Variants in HCFC1 observed in about 807,000 individuals in gnomAD.
HCFC1 encodes host cell factor C1.
In HCFC1, 7 loss-of-function variants were observed where a neutral mutation model predicts 105.5. That is an observed-to-expected ratio of 0.07 (90% CI 0.04 to 0.12). The LOEUF (loss-of-function observed/expected upper bound fraction) is 0.12. Among genes scored for constraint, HCFC1 ranks in the 10% least tolerant of loss-of-function variants. The pLI is 1.00. For synonymous variants in HCFC1, 918 were observed against 828.1 expected (o/e 1.11, Z -1.86); for missense variants, 1,065 against 1,823.6 (o/e 0.58, Z 7.58).
chrX:153,961,276 G>A (rs1425389827), intron 6 of HCFC1, among the ~76,000 whole-genome samples: 3 of 112,606 alleles, frequency 2.7e-5, no homozygotes, highest in African/African-American at 6.5e-5. Flanking sequence ...AAGCAGAACC[G>A]GAGAACCGGG....
chrX:153,950,119 C>T (rs1405853450), intron 24 of HCFC1, 124 bp downstream of exon 24: 15 of 740,133 alleles, frequency 2.0e-5, no homozygotes, highest in South Asian at 8.7e-5. Flanking sequence ...GGGCTGTGTG[C>T]GCGCCAAAGG....
intron 19 of HCFC1, 78 bp from the exon 20 acceptor site, chrX:153,952,236 G>C: frequency 1.9e-6 from 2 of 1,078,742 alleles, no homozygotes; most frequent in Non-Finnish European, 2.4e-6. Context: ...GGCCCCCAAA[G>C]CCTGTCCTAG....
At position 153,948,842 on chromosome X, in the gene HCFC1, G is replaced by A. The variant is rs1331118870; in HGVS notation, c.*505C>T. The A allele has an allele frequency of 8.8e-6, 1 of 113,134 alleles. No homozygotes were observed. Among genetic ancestry groups the A allele is most frequent in the East Asian group, 2.8e-4 (1 of 3,580 alleles). 9.3% of individuals were successfully genotyped at this position (113,134 alleles called of 1,213,427 possible). ...GCTTCCTGTGGGGTCACTGAGCAGG[G>A]TGGGCCGGGGGAGCCTGAGGAAGGG... On this transcript the variant is annotated 3_prime_UTR_variant, in exon 26 of 26. Coordinates refer to ENST00000310441, the MANE Select transcript of HCFC1 (RefSeq NM_005334.3).
intron 8 of HCFC1, 35 bp from the exon 9 acceptor site, chrX:153,959,526 C>G: frequency 8.3e-7 from 1 of 1,203,801 alleles, no homozygotes; most frequent in African/African-American, 1.7e-5. Context: ...CAGCCATCAC[C>G]TTCTGCACGA....
In HCFC1 at chrX:153,957,879, T is replaced by C. The variant is rs782670324; in HGVS notation, c.2036A>G (p.Asn679Ser). ...SVPGGSALIS[N>S]LGKVMSVVQT... ...GACCACCGACATCACTTTGCCCAGA[T>C]TGGAAATCTAAAAAGGAAGGGATGG... Residue 679 changes from asparagine (N) to serine (S), a missense_variant, in exon 12 of 26, where the codon AAT becomes AGT. Physicochemically the swap from Asn to Ser is conservative, Grantham distance 46. Transcript: ENST00000310441. The C allele has an allele frequency of 1.1e-5, 13 of 1,203,122 alleles. No homozygotes were observed. Among genetic ancestry groups the C allele is most frequent in the Admixed American group, 4.4e-5 (2 of 45,776 alleles).
At position 153,953,540 on chromosome X, in the gene HCFC1, C is replaced by T. The variant is rs1011301738; in HGVS notation, c.4497+67G>A. 6.4e-5 allele frequency: 69 copies of T among 1,078,417 alleles called. No individual in the cohort carries two copies. The Admixed American group carries it at 1.3e-3, about 20-fold the overall frequency. 88.9% of individuals were successfully genotyped at this position (1,078,417 alleles called of 1,213,427 possible). ...CTGGTACAAGAGCGACATCTGGCGTCTGAGTGTGGAACTGCACGGGCGTAG... is the reference window on the plus strand; with the variant it reads ...CTGGTACAAGAGCGACATCTGGCGTTTGAGTGTGGAACTGCACGGGCGTAG... On this transcript the variant is annotated intron_variant, in intron 18 of 25. Transcript: ENST00000310441.
chrX:153,960,141 G>A lies in HCFC1; in HGVS notation c.1105C>T (p.Arg369Ter). The A allele has an allele frequency of 8.3e-7, 1 of 1,208,667 alleles. No individual in the cohort carries two copies. The highest frequency in any genetic ancestry group is 1.1e-6 in the Non-Finnish European group (1 of 893,248). ...GTGTTGGCGCGTACCAGTTGTACTCGGGCTGGGGGTGGTGGCTTTTCTGTG... is the reference window on the plus strand; with the variant it reads ...GTGTTGGCGCGTACCAGTTGTACTCAGGCTGGGGGTGGTGGCTTTTCTGTG... The part of the protein sequence containing the change: ...LETEKPPPPA[R>*]VQLVRANTNS... The change falls in exon 8 of 26, where the codon CGA becomes TGA. Residue 369 changes from arginine (R) to a stop codon, truncating the protein, a stop_gained. Coordinates refer to ENST00000310441, the MANE Select transcript of HCFC1 (RefSeq NM_005334.3). LOFTEE classifies it high-confidence loss of function.
Position 153,970,463 on chromosome X carries a change from C to G in HCFC1, c.193+185G>C, listed in dbSNP as rs1242163792. 0.031 allele frequency among the ~76,000 whole-genome samples: 629 copies of G among 20,253 alleles called. 11 individuals carry two copies. Among genetic ancestry groups the G allele is most frequent in the African/African-American group, 0.076 (426 of 5,596 alleles). The allele number at this position is 20,253 out of a possible 115,157, so 17.6% of individuals were successfully genotyped here. The stretch of plus-strand genomic sequence containing the variant: ...GAGGAGGGGAGAAGGGGGAGGGGGA[C>G]GGGGAGAGGGGAGAAGGACGGGTAA... On this transcript the variant is annotated intron_variant, in intron 1 of 25. Coordinates refer to ENST00000310441, the MANE Select transcript of HCFC1 (RefSeq NM_005334.3).
In HCFC1 at chrX:153,955,517, GT is replaced by G; in HGVS notation, c.2881del (p.Thr961LeufsTer2). The G allele has an allele frequency of 8.5e-7, 1 of 1,174,034 alleles. No homozygotes were observed. Among genetic ancestry groups the G allele is most frequent in the Non-Finnish European group, 1.1e-6 (1 of 875,745 alleles). ...CACCCCACTAGGTGCCGTGATCAGA[GT>G]TACCTGGGTGGGCTGGGACACGGGC... ...MQPVSQPTQV[T>X]LITAPSGVEA... is the part of the protein sequence containing the mutation. On this transcript the variant is annotated frameshift_variant, in exon 17 of 26. Coordinates refer to ENST00000310441, the MANE Select transcript of HCFC1 (RefSeq NM_005334.3). LOFTEE classifies it high-confidence loss of function.
intron 14 of HCFC1, 27 bp downstream of exon 14, chrX:153,956,891 G>A: frequency 8.3e-7 from 1 of 1,209,612 alleles, no homozygotes; most frequent in Non-Finnish European, 1.1e-6. Context: ...AGGACACTGG[G>A]CTGAGAGACG....
intron 15 of HCFC1, 87 bp from the exon 16 acceptor site, chrX:153,956,498 G>T: frequency 9.0e-7 from 1 of 1,116,245 alleles, no homozygotes; most frequent in Non-Finnish European, 1.2e-6. Context: ...GCACTCTGGA[G>T]CTGCTTGCAT....
intron 2 of HCFC1, 40 bp downstream of exon 2, chrX:153,964,538 G>A: frequency 8.6e-7 from 1 of 1,164,862 alleles, no homozygotes; most frequent in Non-Finnish European, 1.2e-6. Context: ...CAGGTCACAT[G>A]GGGCCAAGGA....
chrX:153,952,762 G>A lies in HCFC1; in HGVS notation c.4694C>T (p.Ala1565Val), dbSNP rs1557112969. ...CTGGACCACCACAGTGGCCACCACCGCAGAGCCGGCAGACTCCTGGCCCGA... is the reference window on the plus strand; with the variant it reads ...CTGGACCACCACAGTGGCCACCACCACAGAGCCGGCAGACTCCTGGCCCGA... Reference protein sequence around the residue: ...PSSGQESAGSAVVATVVVQPP... With the variant: ...PSSGQESAGSVVVATVVVQPP... The change falls in exon 19 of 26, where the codon GCG becomes GTG. Residue 1565 changes from alanine to valine, a missense_variant. Transcript: ENST00000310441. The A allele has an allele frequency of 8.3e-7, 1 of 1,207,908 alleles. No individual in the cohort carries two copies. The highest frequency in any genetic ancestry group is 1.1e-6 in the Non-Finnish European group (1 of 893,336).
rs1367536201 is a variant in HCFC1, at chrX:153,970,991, A to C, written c.-151T>G. 1 of 432,552 alleles carries C rather than the reference A, an allele frequency of 2.3e-6. No homozygotes were observed. Among genetic ancestry groups the C allele is most frequent in the African/African-American group, 2.6e-5 (1 of 38,989 alleles). 35.6% of individuals were successfully genotyped at this position (432,552 alleles called of 1,213,427 possible). On this transcript the variant is annotated 5_prime_UTR_variant, in exon 1 of 26. Coordinates refer to ENST00000310441, the MANE Select transcript of HCFC1 (RefSeq NM_005334.3). ...ACGACTCCATGGAGGCCGCCATCTTAACTGCCCTCCTTCCCTTTGGCTCTT... is the reference window on the plus strand; with the variant it reads ...ACGACTCCATGGAGGCCGCCATCTTCACTGCCCTCCTTCCCTTTGGCTCTT...
chrX:153,957,513 C>T lies in HCFC1; in HGVS notation c.2154G>A (p.Ala718=), dbSNP rs201614319. 35 of 1,203,299 alleles carry T rather than the reference C, an allele frequency of 2.9e-5. No individual in the cohort carries two copies. The highest frequency in any genetic ancestry group is 1.6e-4 in the African/African-American group (9 of 57,267). The change falls in exon 13 of 26, where the codon GCG becomes GCA. Residue 718 remains alanine, a synonymous_variant. Coordinates refer to ENST00000310441, the MANE Select transcript of HCFC1 (RefSeq NM_005334.3). ...AGGTCACCAGCTTCAGGATTGTTCC[C>T]GCTGGCAGGGGCCCTTTGGTCTGAA... ...QIIQTKGPLP[A]GTILKLVTSA...
chrX:153,961,815 C>A (rs1557117000), intron 5 of HCFC1, among the ~76,000 whole-genome samples, 167 bp from the exon 6 acceptor site: 1 of 111,950 alleles, frequency 8.9e-6, no homozygotes, highest in African/African-American at 3.2e-5. Context: ...GGTGGCTCAG[C>A]CCTCAGGAGA....
Position 153,963,716 on chromosome X carries a change from G to A in HCFC1, c.504-283C>T, listed in dbSNP as rs181969003. Among the ~76,000 whole-genome samples, 8 of 112,907 alleles carry A rather than the reference G, an allele frequency of 7.1e-5. 1 individual carries two copies. Among genetic ancestry groups the A allele is most frequent in the African/African-American group, 2.2e-4 (7 of 31,142 alleles). ...GCACACAAAGCTGGGTATTATATGAGGGCTCCGCAGAGCAAGAGGGGGCGC... is the reference window on the plus strand; with the variant it reads ...GCACACAAAGCTGGGTATTATATGAAGGCTCCGCAGAGCAAGAGGGGGCGC... On this transcript the variant is annotated intron_variant, in intron 3 of 25. Coordinates refer to ENST00000310441, the MANE Select transcript of HCFC1 (RefSeq NM_005334.3).
intron 12 of HCFC1, 106 bp downstream of exon 12, chrX:153,957,676 A>G: frequency 1.3e-6 from 1 of 769,598 alleles, no homozygotes; most frequent in Non-Finnish European, 1.9e-6. Flanking sequence ...GAACTTGCTG[A>G]GCCATGTGTG....
At chrX:153,965,622 CTG>C (rs2065467277) in intron 1 of HCFC1, among the ~76,000 whole-genome samples, 1 of 112,393 alleles carries the variant, frequency 8.9e-6, no homozygotes, top group Non-Finnish European at 1.9e-5. Flanking sequence ...CTCTGTGCCT[CTG>C]AGCTGGCCTG....
Sources: gnomAD v4.1 joint callset for allele counts (sites outside exome capture counted in the v4.1 genomes callset) on GRCh38, gnomAD v4.1.1 for gene constraint, MANE v1.5 for transcripts, NCBI Gene and HGNC (gene_info 2026-07-23, HGNC 2026-07-21) for gene names.